Variants in SDK1 observed in about 807,000 individuals in gnomAD.
SDK1 encodes protein sidekick-1.
A neutral mutation model predicts 245.5 loss-of-function variants in SDK1; 157 were observed. That is an observed-to-expected ratio of 0.64 (90% CI 0.56 to 0.73). The LOEUF is 0.73. Ranked by LOEUF, SDK1 falls within the 30% of genes least tolerant of loss-of-function variation. The probability of loss-of-function intolerance (pLI) is 0.00; values close to 1 mark genes in which losing one functional copy is unlikely to be tolerated. For synonymous variants in SDK1, 1,647 were observed against 1,278.5 expected, an observed-to-expected ratio of 1.29 and a Z score of -6.15; for missense variants, 3,583 against 3,002.3, an observed-to-expected ratio of 1.19 and a Z score of -4.52.
chr7:3,728,287 G>A (rs1779074975), intron 4 of SDK1, among the ~76,000 whole-genome samples: 1 of 152,192 alleles, frequency 6.6e-6, no homozygotes, highest in African/African-American at 2.4e-5. Context: ...TAGCTGTCCT[G>A]CAAGTGCTGT....
At chr7:4,074,739 T>A (rs1163724203) in intron 20 of SDK1, among the ~76,000 whole-genome samples, 1 of 151,118 alleles carries the variant, frequency 6.6e-6, no homozygotes, top group African/African-American at 2.4e-5. Flanking sequence ...GGCACATGCC[T>A]ATAGTACCAG....
intron 4 of SDK1, among the ~76,000 whole-genome samples, chr7:3,710,886 G>C (rs1316316254): frequency 1.3e-5 from 2 of 152,114 alleles, no homozygotes; most frequent in Admixed American, 6.5e-5. Flanking sequence ...CAAATACCTG[G>C]TTGATATCTT....
intron 28 of SDK1, among the ~76,000 whole-genome samples, chr7:4,139,649 ATGTGTGTG>A (rs112439179): frequency 2.1e-5 from 2 of 97,314 alleles, no homozygotes; most frequent in African/African-American, 9.3e-5. Context: ...GTGTGTGTAT[ATGTGTGTG>A]TGTATATGTG....
intron 22 of SDK1, among the ~76,000 whole-genome samples, chr7:4,084,836 C>T (rs563248130): frequency 2.5e-4 from 38 of 152,130 alleles, no homozygotes; most frequent in African/African-American, 7.5e-4. Context: ...GGCACGATCT[C>T]ACTGCAACCT....
chr7:3,628,885 G>A, intron 2 of SDK1, among the ~76,000 whole-genome samples: 1 of 152,180 alleles, frequency 6.6e-6, no homozygotes, highest in Admixed American at 6.5e-5. Flanking sequence ...TTTCTAGGCT[G>A]TGGCACAGAG....
At chr7:3,991,085 G>T (rs11973168) in intron 14 of SDK1, among the ~76,000 whole-genome samples, 1 of 152,150 alleles carries the variant, frequency 6.6e-6, no homozygotes, top group African/African-American at 2.4e-5. Flanking sequence ...CCTCCACGTC[G>T]CACGTTCCCG....
chr7:3,556,270 C>T (rs184379285), intron 1 of SDK1, among the ~76,000 whole-genome samples: 1 of 152,174 alleles, frequency 6.6e-6, no homozygotes, highest in East Asian at 1.9e-4. Context: ...TGCAACAACA[C>T]TCGTTTTGTT....
At chr7:3,847,084 A>G (rs527443914) in intron 5 of SDK1, among the ~76,000 whole-genome samples, 32 of 150,860 alleles carry the variant, frequency 2.1e-4, no homozygotes, top group Admixed American at 7.3e-4. Context: ...CCCATTAAGC[A>G]TTGTTCTTGT....
At chr7:3,952,218 T>C in intron 7 of SDK1, 1 of 390,112 alleles carries the variant, frequency 2.6e-6, no homozygotes. Flanking sequence ...TCTCCTATTC[T>C]AGCTTTAGGC....
At chr7:3,766,880 C>T (rs1780269407) in intron 4 of SDK1, among the ~76,000 whole-genome samples, 1 of 152,184 alleles carries the variant, frequency 6.6e-6, no homozygotes, top group South Asian at 2.1e-4. Context: ...AGAGTGAGCT[C>T]ATGGCATTGT....
chr7:3,875,258 AG>A (rs1781048641), intron 5 of SDK1, among the ~76,000 whole-genome samples: 1 of 152,172 alleles, frequency 6.6e-6, no homozygotes, highest in Admixed American at 6.5e-5. Flanking sequence ...AAAAGTCATT[AG>A]TCTGCACTTC....
At chr7:4,065,720 T>G (rs796734946) in intron 19 of SDK1, among the ~76,000 whole-genome samples, 68 of 138,736 alleles carry the variant, frequency 4.9e-4, no homozygotes, top group African/African-American at 1.9e-3. Flanking sequence ...TTTTTTTTTT[T>G]TTTTTTTTTG....
At chr7:3,697,985 C>G (rs972925124) in intron 4 of SDK1, among the ~76,000 whole-genome samples, 2 of 152,084 alleles carry the variant, frequency 1.3e-5, no homozygotes, top group Admixed American at 1.3e-4. Flanking sequence ...ACCTTGAGAC[C>G]TGATGAATGG....
chr7:3,890,308 G>A (rs1018893126), intron 5 of SDK1, among the ~76,000 whole-genome samples: 2 of 152,188 alleles, frequency 1.3e-5, no homozygotes, highest in Non-Finnish European at 1.5e-5. Context: ...AAATTGATAC[G>A]TGCTATGTGT....
intron 8 of SDK1, among the ~76,000 whole-genome samples, chr7:3,959,697 C>G (rs1781526833): frequency 6.6e-6 from 1 of 152,224 alleles, no homozygotes; most frequent in African/African-American, 2.4e-5. Context: ...AGTTCTCTCA[C>G]ATAACTCAGT....
At position 3,330,648 on chromosome 7, in the gene SDK1, C is replaced by T. The variant is rs567221937; in HGVS notation, c.298+28764C>T. Among the ~76,000 whole-genome samples the T allele has an allele frequency of 1.4e-4, 22 of 152,148 alleles. No individual in the cohort carries two copies. In the South Asian group the frequency reaches 4.4e-3, roughly 30 times the overall value. On this transcript the variant is annotated intron_variant, in intron 1 of 44. Coordinates refer to ENST00000404826, the MANE Select transcript of SDK1 (RefSeq NM_152744.4). ...GTCTTGGACTTCATAGCCTCCAGAACCATGAGCTATGTCAACTTTTCTTTA... is the reference window on the plus strand; with the variant it reads ...GTCTTGGACTTCATAGCCTCCAGAATCATGAGCTATGTCAACTTTTCTTTA...
intron 4 of SDK1, among the ~76,000 whole-genome samples, chr7:3,739,846 A>G (rs923273486): frequency 6.6e-6 from 1 of 152,218 alleles, no homozygotes; most frequent in Non-Finnish European, 1.5e-5. Flanking sequence ...ATGTTTTTTA[A>G]CAACTGGGCA....
At chr7:4,005,819 C>A (rs902019108) in intron 14 of SDK1, among the ~76,000 whole-genome samples, 2 of 152,136 alleles carry the variant, frequency 1.3e-5, no homozygotes, top group Admixed American at 6.5e-5. Context: ...TTGCTTGAGT[C>A]CAGGTGTTCA....
At chr7:3,426,436 G>T (rs996566026) in intron 1 of SDK1, among the ~76,000 whole-genome samples, 3 of 152,186 alleles carry the variant, frequency 2.0e-5, no homozygotes, top group African/African-American at 7.2e-5. Context: ...GCCACCCTAG[G>T]CAAGTCACCT....
Sources: gnomAD v4.1 joint callset for allele counts (sites outside exome capture counted in the v4.1 genomes callset) on GRCh38, gnomAD v4.1.1 for gene constraint, MANE v1.5 for transcripts, NCBI Gene and HGNC (gene_info 2026-07-23, HGNC 2026-07-21) for gene names.